Variants in PTPRD observed in about 807,000 individuals in gnomAD.
PTPRD encodes protein tyrosine phosphatase receptor type D.
In PTPRD, 34 loss-of-function variants were observed where a neutral mutation model predicts 214.5. The ratio of observed to expected loss-of-function variants is 0.16; its 90% CI spans 0.12 to 0.21. The LOEUF is 0.21. Among genes scored for constraint, PTPRD ranks in the 10% least tolerant of loss-of-function variants. The pLI is 1.00. For missense variants in PTPRD, 2,545 were observed against 2,398.7 expected, an observed-to-expected ratio of 1.06 and a Z score of -1.27; for synonymous variants, 1,128 against 845.7, an observed-to-expected ratio of 1.33 and a Z score of -5.79.
intron 2 of PTPRD, among the ~76,000 whole-genome samples, chr9:10,372,095 G>A (rs2097637215): frequency 6.6e-6 from 1 of 152,044 alleles, no homozygotes; most frequent in Non-Finnish European, 1.5e-5. Flanking sequence ...GTCAGAGCAA[G>A]TGCTGAAAAT....
intron 2 of PTPRD, among the ~76,000 whole-genome samples, chr9:10,430,387 T>C (rs567492641): frequency 6.6e-6 from 1 of 152,036 alleles, no homozygotes; most frequent in East Asian, 1.9e-4. Flanking sequence ...AATGGTTAAA[T>C]TACTTTACGC....
At chr9:9,033,651 A>C (rs2099612709) in intron 10 of PTPRD, among the ~76,000 whole-genome samples, 1 of 152,064 alleles carries the variant, frequency 6.6e-6, no homozygotes, top group African/African-American at 2.4e-5. Context: ...GCCTGTGTTT[A>C]AACCAACCTC....
At chr9:8,821,789 C>T (rs1012088052) in intron 11 of PTPRD, among the ~76,000 whole-genome samples, 3 of 152,146 alleles carry the variant, frequency 2.0e-5, no homozygotes, top group East Asian at 1.9e-4. Context: ...CTCAGCCTCC[C>T]GAGTAGCTGG....
At chr9:8,517,034 T>C (rs1432157107) in intron 21 of PTPRD, among the ~76,000 whole-genome samples, 1 of 152,024 alleles carries the variant, frequency 6.6e-6, no homozygotes, top group Non-Finnish European at 1.5e-5. Context: ...GGTCTCAAAG[T>C]CCTGACCCTC....
chr9:9,337,853 T>A (rs1595991969), intron 9 of PTPRD, among the ~76,000 whole-genome samples: 1 of 152,198 alleles, frequency 6.6e-6, no homozygotes, highest in African/African-American at 2.4e-5. Context: ...CCTCACACTT[T>A]GTGCTTCTAC....
At chr9:8,460,389 C>G (rs2096364432) in intron 33 of PTPRD, 22 bp downstream of exon 33, 1 of 1,608,850 alleles carries the variant, frequency 6.2e-7, no homozygotes, top group Non-Finnish European at 8.5e-7. Context: ...AAAATTACAA[C>G]AGAAATATTG....
intron 4 of PTPRD, among the ~76,000 whole-genome samples, chr9:9,961,145 C>G (rs1290157706): frequency 3.3e-5 from 5 of 152,156 alleles, no homozygotes; most frequent in Admixed American, 3.3e-4. Flanking sequence ...CTTGTATATA[C>G]ATATATATGC....
At chr9:8,496,171 A>AACACACACACACACACAC (rs566859758) in intron 26 of PTPRD, among the ~76,000 whole-genome samples, 1 of 135,024 alleles carries the variant, frequency 7.4e-6, no homozygotes, top group African/African-American at 2.7e-5. Context: ...CCAACTCTCC[A>AACACACACACACACACAC]ACACACACAC....
At chr9:9,943,118 G>A (rs1390019633) in intron 4 of PTPRD, among the ~76,000 whole-genome samples, 8 of 152,044 alleles carry the variant, frequency 5.3e-5, no homozygotes, top group South Asian at 2.1e-4. Context: ...AGACAATATC[G>A]TAGTACAATC....
Position 9,056,511 on chromosome 9 carries a change from G to A in PTPRD, c.-142-37776C>T, listed in dbSNP as rs191237288. On this transcript the variant is annotated intron_variant, in intron 10 of 45. Transcript: ENST00000381196. ...GGGAATGATTAGCATGGTCATTCTC[G>A]AAGTTTATTCTCCAGTTTCTTCTTA... Among the ~76,000 whole-genome samples the A allele has an allele frequency of 3.3e-5, 5 of 152,306 alleles. No homozygotes were observed. In the East Asian group the frequency reaches 7.7e-4, roughly 24 times the overall value.
At chr9:10,010,930 T>C (rs1046729194) in intron 4 of PTPRD, among the ~76,000 whole-genome samples, 7 of 151,894 alleles carry the variant, frequency 4.6e-5, no homozygotes, top group African/African-American at 1.7e-4. Context: ...TATTCTAGTG[T>C]TATCAGGAAA....
At chr9:9,982,750 T>G (rs2095587552) in intron 4 of PTPRD, among the ~76,000 whole-genome samples, 1 of 151,906 alleles carries the variant, frequency 6.6e-6, no homozygotes, top group African/African-American at 2.4e-5. Flanking sequence ...TCCTAAAAAT[T>G]AAAAAAATAA....
intron 10 of PTPRD, among the ~76,000 whole-genome samples, chr9:9,169,752 A>C (rs2099910969): frequency 1.3e-5 from 2 of 152,174 alleles, no homozygotes; most frequent in Non-Finnish European, 2.9e-5. Flanking sequence ...GGTTAAACAC[A>C]TTCTAAAAAG....
chr9:8,714,879 TA>T (rs113695037), intron 12 of PTPRD, among the ~76,000 whole-genome samples: 4 of 152,174 alleles, frequency 2.6e-5, no homozygotes, highest in African/African-American at 9.7e-5. Flanking sequence ...TATTGTTTAT[TA>T]TATTGTATTT....
At chr9:9,602,320 G>A (rs1192340441) in intron 7 of PTPRD, among the ~76,000 whole-genome samples, 5 of 151,768 alleles carry the variant, frequency 3.3e-5, no homozygotes, top group Admixed American at 1.3e-4. Flanking sequence ...AAATGAACTT[G>A]GAAATATTTA....
chr9:9,356,867 T>G (rs1193248415), intron 9 of PTPRD, among the ~76,000 whole-genome samples: 2 of 151,386 alleles, frequency 1.3e-5, no homozygotes, highest in Non-Finnish European at 3.0e-5. Context: ...CTGCTTTGTA[T>G]AAGAGATAAG....
chr9:9,999,545 G>A lies in PTPRD; in HGVS notation c.-472+34173C>T, dbSNP rs865841720. ...ACTTTGTAGCTTCCCAAAGAGAAAT[G>A]TTGTCTTGGCAAGTAAAGTTTTAAA... is the stretch of plus-strand genomic sequence containing the variant. On this transcript the variant is annotated intron_variant, in intron 4 of 45. Coordinates refer to ENST00000381196, the MANE Select transcript of PTPRD (RefSeq NM_002839.4). 3.3e-5 allele frequency among the ~76,000 whole-genome samples: 5 copies of A among 152,172 alleles called. No homozygotes were observed. In the South Asian group the frequency reaches 8.3e-4, roughly 25 times the overall value.
intron 2 of PTPRD, among the ~76,000 whole-genome samples, chr9:10,591,947 A>G (rs2075559522): frequency 6.6e-6 from 1 of 152,106 alleles, no homozygotes; most frequent in Non-Finnish European, 1.5e-5. Flanking sequence ...TGACAATTTG[A>G]TTGCAGCCTT....
chr9:8,453,070 G>A (rs2096023603), intron 33 of PTPRD, among the ~76,000 whole-genome samples: 1 of 152,132 alleles, frequency 6.6e-6, no homozygotes, highest in South Asian at 2.1e-4. Flanking sequence ...GTTTATTTGT[G>A]TATAAAATAG....
Sources: gnomAD v4.1 joint callset for allele counts (sites outside exome capture counted in the v4.1 genomes callset) on GRCh38, gnomAD v4.1.1 for gene constraint, MANE v1.5 for transcripts, NCBI Gene and HGNC (gene_info 2026-07-23, HGNC 2026-07-21) for gene names.